The following IGF1R variants were observed in gnomAD, a reference collection of about 807,000 sequenced individuals.
IGF1R encodes the protein insulin like growth factor 1 receptor.
A neutral mutation model predicts 144.6 loss-of-function variants in IGF1R; 44 were observed. That is an observed-to-expected ratio of 0.30 (90% CI 0.24 to 0.39). The LOEUF is 0.39. IGF1R is among the 10% of genes least tolerant of loss of function. The pLI is 1.00. For synonymous variants in IGF1R, 795 were observed against 722.8 expected, an observed-to-expected ratio of 1.10 and a Z score of -1.60; for missense variants, 1,355 against 1,833.7, an observed-to-expected ratio of 0.74 and a Z score of 4.77.
chr15:98,956,966 C>CTT, intron 20 of IGF1R, 95 bp from the exon 21 acceptor site: 1 of 1,378,842 alleles, frequency 7.3e-7, no homozygotes. Context: ...CCGCCGTACG[C>CTT]TTGTATGCGG....
chr15:98,838,005 C>G (rs556431685), intron 2 of IGF1R, among the ~76,000 whole-genome samples: 2 of 152,206 alleles, frequency 1.3e-5, no homozygotes, highest in Non-Finnish European at 2.9e-5. Context: ...TGAGAATTTA[C>G]AAAATCATTT....
chr15:98,910,265 A>T (rs2014951560), intron 6 of IGF1R, among the ~76,000 whole-genome samples: 1 of 152,202 alleles, frequency 6.6e-6, no homozygotes, highest in African/African-American at 2.4e-5. Context: ...GTAAAATCGG[A>T]TGTATCCGAG....
intron 18 of IGF1R, among the ~76,000 whole-genome samples, chr15:98,940,178 T>G (rs2016313398): frequency 6.6e-6 from 1 of 152,236 alleles, no homozygotes; most frequent in African/African-American, 2.4e-5. Context: ...ATCTTCCCAC[T>G]ATGATACAAT....
At chr15:98,689,649 C>T (rs770211912) in intron 1 of IGF1R, among the ~76,000 whole-genome samples, 1 of 152,106 alleles carries the variant, frequency 6.6e-6, no homozygotes, top group Non-Finnish European at 1.5e-5. Flanking sequence ...AGGGACCTTG[C>T]ATAGTTTAAA....
chr15:98,910,662 G>A (rs1378508883), intron 6 of IGF1R, among the ~76,000 whole-genome samples: 2 of 152,194 alleles, frequency 1.3e-5, no homozygotes, highest in African/African-American at 2.4e-5. Flanking sequence ...TGCCATACCC[G>A]CCAGCCAGGC....
chr15:98,833,436 A>G (rs1337808374), intron 2 of IGF1R, among the ~76,000 whole-genome samples: 2 of 152,134 alleles, frequency 1.3e-5, no homozygotes, highest in Non-Finnish European at 2.9e-5. Context: ...CAGTATTTCC[A>G]TCAGCTATTT....
intron 1 of IGF1R, among the ~76,000 whole-genome samples, chr15:98,686,550 A>G (rs183791323): frequency 6.6e-6 from 1 of 151,840 alleles, no homozygotes; most frequent in African/African-American, 2.4e-5. Context: ...GCCAACGTTT[A>G]TTTTTATTTA....
At chr15:98,903,668 T>A (rs1316766093) in intron 5 of IGF1R, among the ~76,000 whole-genome samples, 1 of 152,226 alleles carries the variant, frequency 6.6e-6, no homozygotes, top group Non-Finnish European at 1.5e-5. Flanking sequence ...CATTCAGATG[T>A]TCATCAGCAG....
intron 1 of IGF1R, among the ~76,000 whole-genome samples, chr15:98,681,371 T>C (rs1425615006): frequency 6.6e-6 from 1 of 152,152 alleles, no homozygotes; most frequent in Non-Finnish European, 1.5e-5. Context: ...GCTATTCTGA[T>C]AGTTATCAGG....
intron 2 of IGF1R, among the ~76,000 whole-genome samples, chr15:98,848,071 A>C (rs1018441477): frequency 1.3e-5 from 2 of 152,328 alleles, no homozygotes; most frequent in African/African-American, 4.8e-5. Flanking sequence ...AAGAGCTAGC[A>C]GCTGGAGGGC....
rs2017204124 is a variant in IGF1R at position 98,961,010 on chromosome 15, T to C, written c.*3568T>C. 1 of 233,662 alleles carries C rather than the reference T, an allele frequency of 4.3e-6. No individual in the cohort carries two copies. The highest frequency in any genetic ancestry group is 8.5e-6 in the Non-Finnish European group (1 of 118,084). The allele number at this position is 233,662 out of a possible 1,614,324, so 14.5% of individuals were successfully genotyped here. ...GCTGCTCTTACAGGCACTGATGATT[T>C]CGCTGGGAAGTGTGGCGGGCAGCTT... On this transcript the variant is annotated 3_prime_UTR_variant, in exon 21 of 21. Transcript: ENST00000650285.
In IGF1R at chr15:98,962,338, C is replaced by CT. The variant is rs1171644570; in HGVS notation, c.*4897dup. ...GTTTGTTCTTTTCGTTAATGTTCCTCTGTGTTGTCAGCTGTCTTCATTTCC... is the reference window on the plus strand; with the variant it reads ...GTTTGTTCTTTTCGTTAATGTTCCTCTTGTGTTGTCAGCTGTCTTCATTTCC... On this transcript the variant is annotated 3_prime_UTR_variant, in exon 21 of 21. Coordinates refer to ENST00000650285, the MANE Select transcript of IGF1R (RefSeq NM_000875.5). The CT allele has an allele frequency of 1.3e-5, 3 of 233,424 alleles. No individual in the cohort carries two copies. The highest frequency in any genetic ancestry group is 6.6e-5 in the African/African-American group (3 of 45,350). The allele number at this position is 233,424 out of a possible 1,614,324, so 14.5% of individuals were successfully genotyped here.
chr15:98,934,862 A>T lies in IGF1R; in HGVS notation c.2995A>T (p.Ile999Phe). Reference sequence around the variant, plus strand: ...TGAGTGGGAGGTGGCTCGGGAGAAGATCACCATGAGCCGGGAACTTGGGCA... The same window carrying T: ...TGAGTGGGAGGTGGCTCGGGAGAAGTTCACCATGAGCCGGGAACTTGGGCA... ...PDEWEVAREK[I>F]TMSRELGQGS... Residue 999 changes from isoleucine to phenylalanine, a missense_variant, in exon 16 of 21, where the codon ATC becomes TTC. Transcript: ENST00000650285. 6.2e-7 allele frequency: 1 copy of T among 1,614,120 alleles called. No individual in the cohort carries two copies. The highest frequency in any genetic ancestry group is 8.5e-7 in the Non-Finnish European group (1 of 1,180,016).
At position 98,943,097 on chromosome 15, in the gene IGF1R, C is replaced by G. The variant is rs762088115; in HGVS notation, c.3587+45C>G. ...ATTGCCAGCCTGGAGCCCCCAGCCT[C>G]TGCACTTTCCACCAGCTCAGTCTCT... On this transcript the variant is annotated intron_variant, in intron 19 of 20. Transcript: ENST00000650285. The G allele has an allele frequency of 8.7e-6, 14 of 1,610,474 alleles. 1 individual carries two copies. In the South Asian group the frequency reaches 1.5e-4, roughly 18 times the overall value.
intron 4 of IGF1R, among the ~76,000 whole-genome samples, chr15:98,897,641 A>G (rs1322301069): frequency 4.6e-5 from 7 of 152,202 alleles, no homozygotes; most frequent in African/African-American, 1.7e-4. Flanking sequence ...CAATGGCATA[A>G]TCATAGCTCA....
intron 1 of IGF1R, among the ~76,000 whole-genome samples, chr15:98,669,643 A>G (rs1210780555): frequency 6.6e-6 from 1 of 152,144 alleles, no homozygotes; most frequent in East Asian, 1.9e-4. Flanking sequence ...GGTGAGAAAC[A>G]CTGTCTTCCC....
chr15:98,725,307 G>GA (rs1321852737), intron 2 of IGF1R, among the ~76,000 whole-genome samples: 1 of 151,964 alleles, frequency 6.6e-6, no homozygotes, highest in South Asian at 2.1e-4. Context: ...TTCTGAATTG[G>GA]AAAAAAACAA....
intron 2 of IGF1R, among the ~76,000 whole-genome samples, chr15:98,852,838 C>G (rs2011595999): frequency 6.6e-6 from 1 of 152,248 alleles, no homozygotes; most frequent in Non-Finnish European, 1.5e-5. Flanking sequence ...ACACCCCGTC[C>G]TCCCTTCCCC....
chr15:98,954,119 C>T (rs2151733960), intron 20 of IGF1R: 1 of 152,388 alleles, frequency 6.6e-6, no homozygotes, highest in African/African-American at 2.4e-5. Context: ...GCCTCGTGGC[C>T]TGCTGACATC....
Sources: allele counts gnomAD v4.1 joint callset (sites outside exome capture counted in the v4.1 genomes callset), GRCh38; gene constraint gnomAD v4.1.1; transcripts MANE v1.5; gene names NCBI Gene and HGNC (gene_info 2026-07-23, HGNC 2026-07-21).